COL8A1: variants seen among roughly 807,000 people sequenced by gnomAD.
COL8A1 encodes collagen type VIII alpha 1 chain.
In COL8A1, 21 loss-of-function variants were observed where a neutral mutation model predicts 42.7. The ratio of observed to expected loss-of-function variants is 0.49; its 90% confidence interval spans 0.35 to 0.71. The LOEUF is 0.71. Among genes scored for constraint, COL8A1 ranks in the 30% least tolerant of loss-of-function variants. The probability of loss-of-function intolerance (pLI) is 0.01; values close to 1 mark genes in which losing one functional copy is unlikely to be tolerated. For missense variants in COL8A1, 788 were observed against 962.4 expected, an observed-to-expected ratio of 0.82 and a Z score of 2.40; for synonymous variants, 367 against 369.1, an observed-to-expected ratio of 0.99 and a Z score of 0.06.
intron 1 of COL8A1, among the ~76,000 whole-genome samples, chr3:99,639,369 TAC>T (rs891656525): frequency 1.3e-5 from 2 of 152,242 alleles, no homozygotes; most frequent in African/African-American, 2.4e-5. Context: ...TGAATTTCTG[TAC>T]ACACACCTAA....
intron 1 of COL8A1, among the ~76,000 whole-genome samples, chr3:99,693,081 T>C (rs1365348846): frequency 6.6e-6 from 1 of 152,146 alleles, no homozygotes; most frequent in African/African-American, 2.4e-5. Context: ...TCCCAGCTAC[T>C]GGAGAGGCTG....
chr3:99,690,538 G>A (rs866799751), intron 1 of COL8A1, among the ~76,000 whole-genome samples: 10 of 152,122 alleles, frequency 6.6e-5, no homozygotes, highest in South Asian at 2.1e-4. Context: ...GATTAACTTT[G>A]TTAATCACTG....
At chr3:99,644,567 A>G (rs1367775947) in intron 1 of COL8A1, among the ~76,000 whole-genome samples, 1 of 152,204 alleles carries the variant, frequency 6.6e-6, no homozygotes, top group Non-Finnish European at 1.5e-5. Flanking sequence ...AATTATTTCC[A>G]TATCTCCGAA....
At chr3:99,791,141 C>T in intron 3 of COL8A1, 131 bp downstream of exon 3, 2 of 780,420 alleles carry the variant, frequency 2.6e-6, no homozygotes, top group South Asian at 3.8e-5. Context: ...AAAATGCCTA[C>T]TGTGTTCTAA....
chr3:99,775,660 C>A (rs529119447), intron 2 of COL8A1, among the ~76,000 whole-genome samples: 77 of 152,174 alleles, frequency 5.1e-4, no homozygotes, highest in Non-Finnish European at 9.4e-4. Flanking sequence ...TCTAGGGTTC[C>A]TGTTACCTTG....
chr3:99,795,109 C>T lies in COL8A1; in HGVS notation c.1208C>T (p.Pro403Leu), dbSNP rs1357315131. ...CCTGGAATCCCAGGTCCTATGGGCC[C>T]TCCAGGTGCTATTGGTTTTCCTGGA... Reference protein sequence around the residue: ...GLPGIPGPMGPPGAIGFPGPK... With the variant: ...GLPGIPGPMGLPGAIGFPGPK... The change falls in exon 4 of 4, where the codon CCT becomes CTT. Residue 403 changes from proline (P) to leucine (L), a missense_variant. Pro to Leu is a moderately conservative substitution (Grantham distance 98, BLOSUM62 -3). This residue lies in a region of COL8A1 where 421 missense variants were observed against 553.1 expected (regional missense o/e 0.76). Coordinates refer to ENST00000652472, the MANE Select transcript of COL8A1 (RefSeq NM_020351.4). 6.2e-7 allele frequency: 1 copy of T among 1,613,546 alleles called. No individual in the cohort carries two copies.
At chr3:99,775,133 A>G (rs1941670671) in intron 2 of COL8A1, among the ~76,000 whole-genome samples, 2 of 152,132 alleles carry the variant, frequency 1.3e-5, no homozygotes, top group South Asian at 2.1e-4. Context: ...TTTAAACTAC[A>G]TGATTAGAGA....
chr3:99,704,094 A>G (rs1039279813), intron 1 of COL8A1, among the ~76,000 whole-genome samples: 1 of 152,226 alleles, frequency 6.6e-6, no homozygotes, highest in Non-Finnish European at 1.5e-5. Context: ...AAAAAGCTGT[A>G]CTTTTTACAC....
In COL8A1 at chr3:99,794,728, T is replaced by G. The variant is rs766113507; in HGVS notation, c.827T>G (p.Val276Gly). Residue 276 changes from valine to glycine, a missense_variant, in exon 4 of 4, where the codon GTG becomes GGG. Transcript: ENST00000652472. This position sits in a 1 kb window ranked among gnomAD's most constrained non-coding sequence, Gnocchi z 4.3. The stretch of plus-strand genomic sequence containing the variant: ...CTGCCAGGAGTGGGCAAACCAGGAG[T>G]GACAGGCTTCCCTGGGCCCCAGGGC... ...VGLPGVGKPG[V>G]TGFPGPQGPL... 6.2e-7 allele frequency: 1 copy of G among 1,604,104 alleles called. No individual in the cohort carries two copies. Among genetic ancestry groups the G allele is most frequent in the African/African-American group, 1.4e-5 (1 of 73,720 alleles).
At chr3:99,740,220 T>G (rs1164705599) in intron 1 of COL8A1, among the ~76,000 whole-genome samples, 1 of 152,328 alleles carries the variant, frequency 6.6e-6, no homozygotes, top group Admixed American at 6.5e-5. Context: ...TCCCACATTT[T>G]CCTGTCTTTC....
chr3:99,762,411 T>A (rs1197567609), intron 2 of COL8A1, among the ~76,000 whole-genome samples: 1 of 152,208 alleles, frequency 6.6e-6, no homozygotes, highest in Non-Finnish European at 1.5e-5. Flanking sequence ...AAAAAAATTA[T>A]GTTCTATCCT....
intron 1 of COL8A1, among the ~76,000 whole-genome samples, chr3:99,639,854 C>G (rs1167921164): frequency 6.6e-6 from 1 of 152,172 alleles, no homozygotes. Context: ...CCAAACCACT[C>G]TTTTAGCCCT....
At position 99,737,607 on chromosome 3, in the gene COL8A1, G is replaced by A. The variant is rs910683453; in HGVS notation, c.-128-7290G>A. Among the ~76,000 whole-genome samples, 15 of 152,166 alleles carry A rather than the reference G, an allele frequency of 9.9e-5. No homozygotes were observed. The East Asian group carries it at 2.3e-3, about 23-fold the overall frequency. ...CTGCCAAGAGATCCGCTGTCAGTCT[G>A]ATGGGCTTCCCTTTGAGGGTAACCC... On this transcript the variant is annotated intron_variant, in intron 1 of 3. Coordinates refer to ENST00000652472, the MANE Select transcript of COL8A1 (RefSeq NM_020351.4).
At chr3:99,785,747 G>C (rs1301273141) in intron 2 of COL8A1, among the ~76,000 whole-genome samples, 1 of 152,168 alleles carries the variant, frequency 6.6e-6, no homozygotes, top group Non-Finnish European at 1.5e-5. Context: ...AAGACGCAGG[G>C]AGGTGACTGC....
At chr3:99,712,372 G>A (rs1939860809) in intron 1 of COL8A1, among the ~76,000 whole-genome samples, 1 of 152,082 alleles carries the variant, frequency 6.6e-6, no homozygotes, top group African/African-American at 2.4e-5. Context: ...TTAAAATTGA[G>A]GGGAAAACCG....
chr3:99,732,786 T>C (rs1033907487), intron 1 of COL8A1, among the ~76,000 whole-genome samples: 4 of 152,116 alleles, frequency 2.6e-5, no homozygotes, highest in African/African-American at 4.8e-5. Flanking sequence ...AAAGTCCAAG[T>C]CCAAAGTCTC....
intron 1 of COL8A1, among the ~76,000 whole-genome samples, chr3:99,659,754 G>A (rs1938141261): frequency 6.6e-6 from 1 of 152,032 alleles, no homozygotes. Flanking sequence ...AATCTGCCAT[G>A]CTCAAAATGA....
intron 1 of COL8A1, among the ~76,000 whole-genome samples, chr3:99,714,420 G>A (rs527794768): frequency 5.9e-5 from 9 of 152,226 alleles, no homozygotes; most frequent in African/African-American, 1.9e-4. Context: ...AGATTCTCAA[G>A]GAAACAAGTG....
intron 2 of COL8A1, among the ~76,000 whole-genome samples, chr3:99,776,894 T>G (rs1195512799): frequency 6.6e-6 from 1 of 152,174 alleles, no homozygotes; most frequent in Non-Finnish European, 1.5e-5. Context: ...GCCATGGCAT[T>G]TGTAAACTCA....
Sources: gnomAD v4.1 joint callset for allele counts (sites outside exome capture counted in the v4.1 genomes callset) on GRCh38, gnomAD v4.1.1 for gene constraint, gnomAD v4.1.1 regional missense constraint, Gnocchi (gnomAD v3.1) non-coding constraint, MANE v1.5 for transcripts, NCBI Gene and HGNC (gene_info 2026-07-23, HGNC 2026-07-21) for gene names.